Variants in RAPGEF4 observed in about 807,000 individuals in gnomAD.
RAPGEF4 encodes the protein Rap guanine nucleotide exchange factor 4.
A neutral mutation model predicts 147.9 loss-of-function variants in RAPGEF4; 66 were observed. The ratio of observed to expected loss-of-function variants is 0.45; its 90% CI spans 0.37 to 0.55. The LOEUF (loss-of-function observed/expected upper bound fraction) is 0.55. Ranked by LOEUF, RAPGEF4 falls within the 20% of genes least tolerant of loss-of-function variation. The pLI is 0.00. For missense variants in RAPGEF4, 1,071 were observed against 1,257.3 expected (o/e 0.85, Z 2.24); for synonymous variants, 419 against 442.7 (o/e 0.95, Z 0.67).
intron 4 of RAPGEF4, among the ~76,000 whole-genome samples, chr2:172,846,563 C>T (rs570206112): frequency 1.3e-5 from 2 of 152,310 alleles, no homozygotes; most frequent in South Asian, 4.1e-4. Flanking sequence ...TCTTCCCTCT[C>T]CCAGATTCTG....
In RAPGEF4 at chr2:172,988,238, T is replaced by C; in HGVS notation, c.1193T>C (p.Leu398Pro). ...GAAGGTACCTCCTGGTACATTATTC[T>C]AAAAGGATCAGTGAATGTAGTCATT... ...GEEGTSWYII[L>P]KGSVNVVIYG... Residue 398 changes from leucine to proline, a missense_variant, in exon 13 of 31, where the codon CTA becomes CCA. Physicochemically the swap from Leu to Pro is moderately conservative, Grantham distance 98. Coordinates refer to ENST00000397081, the MANE Select transcript of RAPGEF4 (RefSeq NM_007023.4). The C allele has an allele frequency of 1.2e-6, 2 of 1,612,002 alleles. No individual in the cohort carries two copies. The highest frequency in any genetic ancestry group is 1.7e-6 in the Non-Finnish European group (2 of 1,179,550).
intron 9 of RAPGEF4, among the ~76,000 whole-genome samples, chr2:172,966,439 G>A (rs1255940432): frequency 6.6e-6 from 1 of 152,172 alleles, no homozygotes; most frequent in East Asian, 1.9e-4. Context: ...TGGACTTAGA[G>A]TCTGTATTTC....
rs1390772569 is a variant in RAPGEF4 at position 172,743,315 on chromosome 2, C to T, written c.65+7267C>T. 2.6e-5 allele frequency among the ~76,000 whole-genome samples: 4 copies of T among 152,122 alleles called. 1 individual carries two copies. Among genetic ancestry groups the T allele is most frequent in the South Asian group, 4.1e-4 (2 of 4,822 alleles). ...GACAGAAAACAATCTGGCTGACGAG[C>T]GGAGGCGGACAATCCTGGTGTGTTG... On this transcript the variant is annotated intron_variant, in intron 1 of 30. Transcript: ENST00000397081.
intron 1 of RAPGEF4, 136 bp from the exon 2 acceptor site, chr2:172,794,889 T>G: frequency 1.1e-6 from 1 of 870,234 alleles, no homozygotes; most frequent in Non-Finnish European, 1.8e-6. Flanking sequence ...TATAAGGGGG[T>G]GGATAAATAT....
intron 1 of RAPGEF4, among the ~76,000 whole-genome samples, chr2:172,780,289 A>G (rs1684562001): frequency 6.6e-6 from 1 of 152,240 alleles, no homozygotes; most frequent in Admixed American, 6.5e-5. Flanking sequence ...TTTAACAAAG[A>G]AGAATACATT....
chr2:172,983,178 G>A (rs559939440), intron 10 of RAPGEF4, among the ~76,000 whole-genome samples: 1 of 152,292 alleles, frequency 6.6e-6, no homozygotes, highest in Admixed American at 6.5e-5. Context: ...GTAATGAAAA[G>A]CAGTTTTTTA....
At chr2:172,925,543 G>T (rs1034417111) in intron 6 of RAPGEF4, among the ~76,000 whole-genome samples, 5 of 151,048 alleles carry the variant, frequency 3.3e-5, no homozygotes, top group Admixed American at 6.6e-5. Context: ...AAAAATGTTA[G>T]AAAAACAACC....
intron 4 of RAPGEF4, among the ~76,000 whole-genome samples, chr2:172,853,746 A>G (rs1488547886): frequency 6.6e-6 from 1 of 151,954 alleles, no homozygotes; most frequent in Non-Finnish European, 1.5e-5. Context: ...ATTATCATTC[A>G]GTTCAAAATA....
intron 6 of RAPGEF4, among the ~76,000 whole-genome samples, chr2:172,934,147 C>T (rs1448335206): frequency 1.5e-4 from 15 of 99,140 alleles, no homozygotes; most frequent in African/African-American, 2.0e-4. Context: ...TTATTTAATC[C>T]TTTTTTTTTT....
At chr2:172,982,337 G>T (rs538110846) in intron 10 of RAPGEF4, among the ~76,000 whole-genome samples, 4 of 152,128 alleles carry the variant, frequency 2.6e-5, no homozygotes, top group Non-Finnish European at 5.9e-5. Context: ...CAAAATGGAT[G>T]GTTATGTAAT....
intron 10 of RAPGEF4, among the ~76,000 whole-genome samples, chr2:172,975,989 A>G (rs1280197099): frequency 6.6e-6 from 1 of 152,212 alleles, no homozygotes; most frequent in Non-Finnish European, 1.5e-5. Flanking sequence ...AACACTTAGC[A>G]CTCAGAAGCC....
At chr2:172,764,878 T>C (rs1696681252) in intron 1 of RAPGEF4, among the ~76,000 whole-genome samples, 1 of 152,210 alleles carries the variant, frequency 6.6e-6, no homozygotes, top group African/African-American at 2.4e-5. Flanking sequence ...AACATGGGCC[T>C]GAGAATTTGC....
intron 4 of RAPGEF4, among the ~76,000 whole-genome samples, chr2:172,837,028 T>A (rs1425970508): frequency 6.6e-6 from 1 of 152,212 alleles, no homozygotes; most frequent in Admixed American, 6.5e-5. Flanking sequence ...GAAAGCTCCC[T>A]GAGGTATGTA....
In RAPGEF4 at chr2:172,754,154, A is replaced by AT. The variant is rs796967625; in HGVS notation, c.65+18114dup. 5.3e-5 allele frequency among the ~76,000 whole-genome samples: 8 copies of AT among 152,020 alleles called. No homozygotes were observed. The East Asian group carries it at 5.8e-4, about 11-fold the overall frequency. On this transcript the variant is annotated intron_variant, in intron 1 of 30. Transcript: ENST00000397081. ...CATTTTTAGCATATTTTCCTGCAGT[A>AT]TTTTTTTTGTGTGGGTGTTTTTTAA...
intron 4 of RAPGEF4, among the ~76,000 whole-genome samples, chr2:172,815,342 C>T (rs1688396691): frequency 6.6e-6 from 1 of 152,256 alleles, no homozygotes; most frequent in Non-Finnish European, 1.5e-5. Flanking sequence ...ATGAGTGATG[C>T]TTTGCCTTAA....
intron 10 of RAPGEF4, among the ~76,000 whole-genome samples, chr2:172,974,048 A>G (rs74817295): frequency 0.015 from 2,210 of 152,362 alleles, 30 homozygotes; most frequent in Admixed American, 0.03. Flanking sequence ...ACAAGTGCCA[A>G]CTGAATTTAA....
At chr2:172,955,649 G>A (rs745288) in intron 6 of RAPGEF4, among the ~76,000 whole-genome samples, 116,521 of 152,126 alleles carry the variant, frequency 0.77, 47,858 homozygotes, top group East Asian at 0.97. Context: ...CATGCCTTTC[G>A]GGGCTCATTT....
At chr2:172,964,756 A>G (rs1471650161) in intron 8 of RAPGEF4, among the ~76,000 whole-genome samples, 5 of 152,104 alleles carry the variant, frequency 3.3e-5, no homozygotes, top group Admixed American at 3.3e-4. Context: ...CCTCTCTTGA[A>G]CCATCATGTT....
chr2:173,002,015 A>AAAAACAAACC (rs397986704), intron 17 of RAPGEF4, among the ~76,000 whole-genome samples: 1 of 142,800 alleles, frequency 7.0e-6, no homozygotes. Flanking sequence ...AAAAAAAAAA[A>AAAAACAAACC]TCCATTGCCT....
Sources: gnomAD v4.1 joint callset for allele counts (sites outside exome capture counted in the v4.1 genomes callset) on GRCh38, gnomAD v4.1.1 for gene constraint, MANE v1.5 for transcripts, NCBI Gene and HGNC (gene_info 2026-07-23, HGNC 2026-07-21) for gene names.